Variants in P2RX7 observed in about 807,000 individuals in gnomAD.
The protein encoded by P2RX7 is P2X purinoceptor 7.
Under a neutral mutation model 71.6 loss-of-function variants are expected in P2RX7, and 62 were observed. The ratio of observed to expected loss-of-function variants is 0.87; its 90% confidence interval spans 0.71 to 1.07. The LOEUF (loss-of-function observed/expected upper bound fraction) is 1.07, where lower values mean the gene tolerates loss of function less well. P2RX7 is among the 50% of genes least tolerant of loss of function. The pLI, the probability that P2RX7 is intolerant of heterozygous loss-of-function variation, is 0.00. For synonymous variants in P2RX7, 299 were observed against 283.3 expected, an observed-to-expected ratio of 1.06 and a Z score of -0.56; for missense variants, 686 against 748.5, an observed-to-expected ratio of 0.92 and a Z score of 0.97.
At chr12:121,167,052 C>CA (rs528766613) in intron 7 of P2RX7, among the ~76,000 whole-genome samples, 13,733 of 114,292 alleles carry the variant, frequency 0.12, 789 homozygotes, top group African/African-American at 0.19. Context: ...AACTCCATCT[C>CA]AAAAAAAAAA....
chr12:121,167,548 T>C lies in P2RX7; in HGVS notation c.805T>C (p.Cys269Arg), dbSNP rs1384097044. ...CAACCTAGACCGTTGGTTCCATCACTGCCGTCCCAAATACAGTTTCCGTCG... is the reference window on the plus strand; with the variant it reads ...CAACCTAGACCGTTGGTTCCATCACCGCCGTCCCAAATACAGTTTCCGTCG... Reference protein sequence around the residue: ...DCNLDRWFHHCRPKYSFRRLD... With the variant: ...DCNLDRWFHHRRPKYSFRRLD... Residue 269 changes from cysteine to arginine, a missense_variant, in exon 8 of 13, where the codon TGC (cysteine) becomes CGC (arginine). Cys to Arg is a radical substitution (Grantham distance 180, BLOSUM62 -3). Coordinates refer to ENST00000328963, the MANE Select transcript of P2RX7 (RefSeq NM_002562.6). The C allele has an allele frequency of 1.2e-6, 2 of 1,613,736 alleles. No individual in the cohort carries two copies. Among genetic ancestry groups the C allele is most frequent in the South Asian group, 2.2e-5 (2 of 91,048 alleles).
Position 121,175,400 on chromosome 12 carries a change from C to A in P2RX7, c.894C>A (p.Tyr298Ter). 6.3e-7 allele frequency: 1 copy of A among 1,599,540 alleles called. No homozygotes were observed. The highest frequency in any genetic ancestry group is 8.6e-7 in the Non-Finnish European group (1 of 1,168,564). ...YPGYNFRYAK[Y>*]YKENNVEKRT... Reference sequence around the variant, plus strand: ...TTTCTTCCTACAGATACGCCAAGTACTACAAGGAAAACAATGTTGAGAAAC... The same window carrying A: ...TTTCTTCCTACAGATACGCCAAGTAATACAAGGAAAACAATGTTGAGAAAC... The change falls in exon 9 of 13, where the codon TAC (tyrosine) becomes TAA (stop). Residue 298 changes from tyrosine to a stop codon, truncating the protein, a stop_gained. Coordinates refer to ENST00000328963, the MANE Select transcript of P2RX7 (RefSeq NM_002562.6). LOFTEE classifies it high-confidence loss of function.
At chr12:121,166,509 G>C (rs1460831342) in intron 7 of P2RX7, among the ~76,000 whole-genome samples, 2 of 152,102 alleles carry the variant, frequency 1.3e-5, no homozygotes, top group East Asian at 1.9e-4. Flanking sequence ...CTGAGCCAGG[G>C]CAGTGCTCCC....
At chr12:121,167,803 T>C (rs557790659) in intron 8 of P2RX7, among the ~76,000 whole-genome samples, 179 bp downstream of exon 8, 57 of 151,092 alleles carry the variant, frequency 3.8e-4, no homozygotes, top group Non-Finnish European at 6.3e-4. Context: ...ATGCACACTC[T>C]TTATTTTTTA....
intron 12 of P2RX7, among the ~76,000 whole-genome samples, chr12:121,182,953 G>A (rs893028558): frequency 2.0e-5 from 3 of 152,052 alleles, no homozygotes; most frequent in East Asian, 1.9e-4. Context: ...CGAGGCAGGC[G>A]GATCACAAGA....
chr12:121,178,673 T>A (rs1007769286), intron 11 of P2RX7, among the ~76,000 whole-genome samples: 1 of 151,080 alleles, frequency 6.6e-6, no homozygotes, highest in Non-Finnish European at 1.5e-5. Context: ...ATGCCTGAAG[T>A]CCCAGCTACT....
At chr12:121,146,287 C>CTTTTTTTT (rs35415599) in intron 1 of P2RX7, among the ~76,000 whole-genome samples, 1 of 80,482 alleles carries the variant, frequency 1.2e-5, no homozygotes, top group Non-Finnish European at 2.2e-5. Context: ...TCAAGCCTCT[C>CTTTTTTTT]TTTTTTTTTT....
At chr12:121,182,062 A>G (rs915697159) in intron 12 of P2RX7, among the ~76,000 whole-genome samples, 1 of 62,148 alleles carries the variant, frequency 1.6e-5, no homozygotes, top group Non-Finnish European at 3.4e-5. Context: ...AGCTCCATCT[A>G]AAAAAAAAAA....
intron 1 of P2RX7, among the ~76,000 whole-genome samples, chr12:121,144,196 T>C (rs1229716833): frequency 3.3e-5 from 5 of 152,188 alleles, no homozygotes; most frequent in African/African-American, 7.2e-5. Context: ...AGAATACTAA[T>C]ATCCTCTTGT....
At chr12:121,160,848 C>A in intron 3 of P2RX7, 54 bp from the exon 4 acceptor site, 2 of 1,320,338 alleles carry the variant, frequency 1.5e-6, no homozygotes, top group Middle Eastern at 1.8e-4. Flanking sequence ...CACTTCTCCA[C>A]GTCTTAGTAA....
chr12:121,179,922 G>C (rs1593151929), intron 11 of P2RX7, among the ~76,000 whole-genome samples: 3 of 151,686 alleles, frequency 2.0e-5, no homozygotes, highest in Admixed American at 2.0e-4. Context: ...GGCCAAGGCG[G>C]GCGGATCAAC....
chr12:121,137,251 A>C (rs1371792517), intron 1 of P2RX7, among the ~76,000 whole-genome samples: 1 of 152,168 alleles, frequency 6.6e-6, no homozygotes, highest in African/African-American at 2.4e-5. Context: ...TTGCTGCTCT[A>C]CTTATTAATC....
chr12:121,180,104 A>C (rs1883869170), intron 11 of P2RX7, among the ~76,000 whole-genome samples: 1 of 139,038 alleles, frequency 7.2e-6, no homozygotes. Context: ...AGCCAAGATC[A>C]TGCCATTGCA....
chr12:121,176,595 G>C (rs1593138607), intron 9 of P2RX7, among the ~76,000 whole-genome samples: 1 of 151,808 alleles, frequency 6.6e-6, no homozygotes, highest in Non-Finnish European at 1.5e-5. Flanking sequence ...TACTAAAAAT[G>C]CAAAAAATTA....
At chr12:121,163,621 A>G (rs538960367) in intron 5 of P2RX7, among the ~76,000 whole-genome samples, 2 of 81,958 alleles carry the variant, frequency 2.4e-5, no homozygotes, top group Non-Finnish European at 5.3e-5. Flanking sequence ...AGATAGATAG[A>G]TAGATAGATA....
intron 8 of P2RX7, among the ~76,000 whole-genome samples, chr12:121,171,305 C>T (rs1326388129): frequency 6.6e-6 from 1 of 151,288 alleles, no homozygotes; most frequent in East Asian, 1.9e-4. Flanking sequence ...TCCCACAAAT[C>T]TCTGCCTCCA....
intron 8 of P2RX7, among the ~76,000 whole-genome samples, chr12:121,170,759 G>A (rs1198024615): frequency 1.3e-5 from 2 of 152,158 alleles, no homozygotes; most frequent in East Asian, 3.9e-4. Flanking sequence ...GGGCGACAGA[G>A]CAAAGCTCTG....
chr12:121,147,819 G>A (rs1390079927), intron 1 of P2RX7, among the ~76,000 whole-genome samples: 2 of 151,832 alleles, frequency 1.3e-5, no homozygotes, highest in Non-Finnish European at 2.9e-5. Context: ...CACCATGTTG[G>A]CCAGGCGGGT....
At chr12:121,160,658 G>T (rs540145229) in intron 3 of P2RX7, among the ~76,000 whole-genome samples, 1 of 152,306 alleles carries the variant, frequency 6.6e-6, no homozygotes, top group African/African-American at 2.4e-5. Flanking sequence ...GTCCATCCAT[G>T]TTGTAGCCTG....
Sources: gnomAD v4.1 joint callset for allele counts (sites outside exome capture counted in the v4.1 genomes callset) on GRCh38, gnomAD v4.1.1 for gene constraint, MANE v1.5 for transcripts, NCBI Gene and HGNC (gene_info 2026-07-23, HGNC 2026-07-21) for gene names.